Variants in ADAM10 observed in about 807,000 individuals in gnomAD.
The protein encoded by ADAM10 is disintegrin and metalloproteinase domain-containing protein 10.
A neutral mutation model predicts 90.1 loss-of-function variants in ADAM10; 17 were observed. The ratio of observed to expected loss-of-function variants is 0.19; its 90% CI spans 0.13 to 0.28. The LOEUF (loss-of-function observed/expected upper bound fraction) is 0.28, where lower values mean the gene tolerates loss of function less well. Ranked by LOEUF, ADAM10 falls within the 10% of genes least tolerant of loss-of-function variation. The pLI is 1.00. For missense variants in ADAM10, 610 were observed against 914.3 expected (o/e 0.67, Z 4.29); for synonymous variants, 310 against 298.6 (o/e 1.04, Z -0.40).
intron 2 of ADAM10, among the ~76,000 whole-genome samples, chr15:58,711,448 A>C (rs1259797211): frequency 6.6e-6 from 1 of 152,200 alleles, no homozygotes; most frequent in Non-Finnish European, 1.5e-5. Flanking sequence ...GCTCAGAAGA[A>C]ATCTCTAGAT....
At chr15:58,714,397 C>T (rs1313465394) in intron 2 of ADAM10, among the ~76,000 whole-genome samples, 2 of 151,644 alleles carry the variant, frequency 1.3e-5, no homozygotes, top group Non-Finnish European at 2.9e-5. Flanking sequence ...GTATATTCTT[C>T]TTGGTATGTC....
intron 1 of ADAM10, among the ~76,000 whole-genome samples, chr15:58,722,553 A>T (rs1898890052): frequency 6.6e-6 from 1 of 150,598 alleles, no homozygotes; most frequent in African/African-American, 2.4e-5. Flanking sequence ...AAAAGAAAAG[A>T]ACTGAAATCA....
chr15:58,742,463 G>A (rs913572905), intron 1 of ADAM10, among the ~76,000 whole-genome samples: 8 of 152,102 alleles, frequency 5.3e-5, no homozygotes, highest in Non-Finnish European at 8.8e-5. Flanking sequence ...TTCGACTTAC[G>A]ATATTTTCAA....
intron 2 of ADAM10, among the ~76,000 whole-genome samples, chr15:58,713,772 T>C (rs1449467358): frequency 1.3e-5 from 2 of 152,154 alleles, no homozygotes; most frequent in Non-Finnish European, 2.9e-5. Context: ...CAAACAACTT[T>C]AAGCTTTATT....
intron 5 of ADAM10, among the ~76,000 whole-genome samples, chr15:58,658,942 A>AAAT (rs1356191463): frequency 6.6e-6 from 1 of 151,914 alleles, no homozygotes; most frequent in African/African-American, 2.4e-5. Context: ...TTGCCTTATT[A>AAAT]TGGTGGCTAG....
rs74555809 is a variant in ADAM10, at chr15:58,661,955, T to G, written c.585+3142A>C. Reference sequence around the variant, plus strand: ...ATTAGAATTTCCATTCTCTCCTTTTTGTGTTCATGTCTTTAATTCTTTGAA... The same window carrying G: ...ATTAGAATTTCCATTCTCTCCTTTTGGTGTTCATGTCTTTAATTCTTTGAA... On this transcript the variant is annotated intron_variant, in intron 5 of 15. Coordinates refer to ENST00000260408, the MANE Select transcript of ADAM10 (RefSeq NM_001110.4). 5.1e-3 allele frequency among the ~76,000 whole-genome samples: 777 copies of G among 152,326 alleles called. 7 individuals carry two copies. Among genetic ancestry groups the G allele is most frequent in the Non-Finnish European group, 7.4e-3 (501 of 68,022 alleles).
At chr15:58,704,617 T>C (rs908703041) in intron 2 of ADAM10, among the ~76,000 whole-genome samples, 1 of 152,204 alleles carries the variant, frequency 6.6e-6, no homozygotes, top group Non-Finnish European at 1.5e-5. Context: ...AATCAAATTG[T>C]GTGGCCATGT....
At chr15:58,628,373 T>A (rs1295948575) in intron 9 of ADAM10, among the ~76,000 whole-genome samples, 1 of 152,004 alleles carries the variant, frequency 6.6e-6, no homozygotes, top group African/African-American at 2.4e-5. Context: ...ATAGCCAATA[T>A]ATAGGAAAGG....
intron 1 of ADAM10, among the ~76,000 whole-genome samples, chr15:58,738,780 T>C (rs1197205601): frequency 1.1e-4 from 17 of 152,368 alleles, no homozygotes; most frequent in African/African-American, 3.8e-4. Context: ...AAGATTTCTA[T>C]GCTGATTTGA....
chr15:58,733,918 T>C (rs1899344383), intron 1 of ADAM10, among the ~76,000 whole-genome samples: 1 of 150,178 alleles, frequency 6.7e-6, no homozygotes. Context: ...TATATATATA[T>C]ATAAAAATAA....
intron 9 of ADAM10, chr15:58,629,592 G>T (rs1332402682): frequency 6.6e-6 from 1 of 151,906 alleles, no homozygotes; most frequent in African/African-American, 2.4e-5. Flanking sequence ...TTTGTGACAA[G>T]AAAACAGAAA....
At chr15:58,736,540 C>T (rs1899436411) in intron 1 of ADAM10, among the ~76,000 whole-genome samples, 1 of 151,998 alleles carries the variant, frequency 6.6e-6, no homozygotes, top group South Asian at 2.1e-4. Context: ...AATGTCCTTA[C>T]TTTTATGAAA....
intron 9 of ADAM10, 92 bp from the exon 10 acceptor site, chr15:58,627,975 A>G: frequency 7.8e-7 from 1 of 1,287,072 alleles, no homozygotes; most frequent in African/African-American, 1.5e-5. Context: ...CAGGAAAACA[A>G]TGGAAGCTTG....
At chr15:58,694,893 G>C (rs976252968) in intron 2 of ADAM10, among the ~76,000 whole-genome samples, 6 of 152,066 alleles carry the variant, frequency 3.9e-5, no homozygotes, top group Non-Finnish European at 7.3e-5. Context: ...GCCTAGGGTG[G>C]AGACTAAGAG....
At chr15:58,668,621 C>G (rs1293298718) in intron 4 of ADAM10, among the ~76,000 whole-genome samples, 2 of 151,972 alleles carry the variant, frequency 1.3e-5, no homozygotes, top group African/African-American at 4.8e-5. Context: ...CCTAAATCTC[C>G]CTAAAGCTCC....
At chr15:58,620,153 T>C (rs1468274771) in intron 11 of ADAM10, among the ~76,000 whole-genome samples, 1 of 151,992 alleles carries the variant, frequency 6.6e-6, no homozygotes, top group Non-Finnish European at 1.5e-5. Flanking sequence ...AACTAGGATA[T>C]ACAGACCAGC....
intron 8 of ADAM10, among the ~76,000 whole-genome samples, chr15:58,634,915 G>A (rs1198070218): frequency 2.6e-5 from 4 of 152,050 alleles, no homozygotes; most frequent in Non-Finnish European, 5.9e-5. Context: ...TGTAACAGAA[G>A]GCAATTCAAA....
intron 11 of ADAM10, among the ~76,000 whole-genome samples, chr15:58,615,197 C>T (rs957067699): frequency 6.6e-6 from 1 of 151,064 alleles, no homozygotes; most frequent in Non-Finnish European, 1.5e-5. Flanking sequence ...TGGCGTGAAC[C>T]CAGGAGGCGG....
At chr15:58,600,025 A>G (rs1895066313) in intron 14 of ADAM10, among the ~76,000 whole-genome samples, 1 of 152,212 alleles carries the variant, frequency 6.6e-6, no homozygotes, top group Admixed American at 6.5e-5. Context: ...GAACACAAAT[A>G]CAAAACTGGG....
Sources: gnomAD v4.1 joint callset for allele counts (sites outside exome capture counted in the v4.1 genomes callset) on GRCh38, gnomAD v4.1.1 for gene constraint, MANE v1.5 for transcripts, NCBI Gene and HGNC (gene_info 2026-07-23, HGNC 2026-07-21) for gene names.